The following LHFPL3 variants were observed in gnomAD, a reference collection of about 807,000 sequenced individuals.
LHFPL3 encodes the protein LHFPL tetraspan subfamily member 3 protein.
In LHFPL3, 5 loss-of-function variants were observed where a neutral mutation model predicts 19.3. The observed-to-expected ratio is 0.26, with a 90% CI of 0.14 to 0.54. The LOEUF (loss-of-function observed/expected upper bound fraction) is 0.54, where lower values mean the gene tolerates loss of function less well. Among genes scored for constraint, LHFPL3 ranks in the 20% least tolerant of loss-of-function variants. The pLI is 0.94. For missense variants in LHFPL3, 249 were observed against 307.4 expected, an observed-to-expected ratio of 0.81 and a Z score of 1.42; for synonymous variants, 133 against 126.2, an observed-to-expected ratio of 1.05 and a Z score of -0.36.
At chr7:104,828,962 G>A (rs1790878440) in intron 2 of LHFPL3, among the ~76,000 whole-genome samples, 1 of 151,864 alleles carries the variant, frequency 6.6e-6, no homozygotes, top group Non-Finnish European at 1.5e-5. Context: ...TTGGGCCCAG[G>A]AGGCAAAGGC....
intron 1 of LHFPL3, among the ~76,000 whole-genome samples, chr7:104,490,657 A>G (rs1019469308): frequency 2.6e-5 from 4 of 152,222 alleles, no homozygotes; most frequent in Non-Finnish European, 5.9e-5. Context: ...AGCGACGGAT[A>G]TCAACTAAAC....
chr7:104,507,033 G>A (rs117279075), intron 1 of LHFPL3, among the ~76,000 whole-genome samples: 2 of 152,272 alleles, frequency 1.3e-5, no homozygotes, highest in Non-Finnish European at 2.9e-5. Context: ...GAGAGAACTG[G>A]TGTCTCTATT....
At chr7:104,473,847 T>C (rs1792955436) in intron 1 of LHFPL3, among the ~76,000 whole-genome samples, 1 of 152,258 alleles carries the variant, frequency 6.6e-6, no homozygotes, top group South Asian at 2.1e-4. Context: ...TATCCCTTGA[T>C]ATTCCCTCTT....
chr7:104,714,894 A>G (rs1793358915), intron 1 of LHFPL3, among the ~76,000 whole-genome samples: 1 of 152,198 alleles, frequency 6.6e-6, no homozygotes, highest in Non-Finnish European at 1.5e-5. Context: ...GTGCGCATGC[A>G]CACATGTGTA....
In LHFPL3 at chr7:104,575,607, A is replaced by G. The variant is rs537135873; in HGVS notation, c.446-161068A>G. Among the ~76,000 whole-genome samples the G allele has an allele frequency of 6.0e-4, 89 of 147,314 alleles. No homozygotes were observed. The South Asian group carries it at 0.013, about 22-fold the overall frequency. On this transcript the variant is annotated intron_variant, in intron 1 of 2. Transcript: ENST00000424859. ...AAAAACAGAAACAAGCAACCTGCCC[A>G]GAGAGTCCCAATGGTGGGCTTCTTT...
intron 1 of LHFPL3, among the ~76,000 whole-genome samples, chr7:104,551,175 A>T (rs573214785): frequency 6.6e-6 from 1 of 152,298 alleles, no homozygotes; most frequent in South Asian, 2.1e-4. Flanking sequence ...AAAAACAACT[A>T]TTAAGTTGAT....
chr7:104,430,746 G>A lies in LHFPL3; in HGVS notation c.445+101522G>A, dbSNP rs1046010038. On this transcript the variant is annotated intron_variant, in intron 1 of 2. Transcript: ENST00000424859. ...GCCTCCCAAAGTGCTGAGATTACAG[G>A]CATGAGCCACTGCGCCCGGCCCTTC... Among the ~76,000 whole-genome samples the A allele has an allele frequency of 2.0e-5, 3 of 151,638 alleles. No homozygotes were observed. The South Asian group carries it at 6.2e-4, about 32-fold the overall frequency.
chr7:104,808,011 T>C (rs1330621048), intron 2 of LHFPL3, among the ~76,000 whole-genome samples: 2 of 152,216 alleles, frequency 1.3e-5, no homozygotes, highest in Non-Finnish European at 2.9e-5. Context: ...GCCAGGACTA[T>C]ACTCCATCTC....
chr7:104,486,334 T>A (rs1311891944), intron 1 of LHFPL3, among the ~76,000 whole-genome samples: 2 of 152,356 alleles, frequency 1.3e-5, no homozygotes, highest in South Asian at 2.1e-4. Flanking sequence ...TGATTACGAC[T>A]GTGCTATAGT....
intron 1 of LHFPL3, among the ~76,000 whole-genome samples, chr7:104,582,552 A>G (rs1790479685): frequency 1.3e-5 from 2 of 152,030 alleles, no homozygotes; most frequent in South Asian, 4.1e-4. Context: ...AATTATAGGG[A>G]GAAAGTATCA....
intron 1 of LHFPL3, among the ~76,000 whole-genome samples, chr7:104,590,754 CT>C (rs933335599): frequency 7.9e-5 from 12 of 152,160 alleles, no homozygotes; most frequent in Non-Finnish European, 1.6e-4. Context: ...GTCTAAGTCT[CT>C]TTGTAGGTCT....
intron 2 of LHFPL3, among the ~76,000 whole-genome samples, chr7:104,864,542 A>C (rs1791684206): frequency 6.6e-6 from 1 of 152,192 alleles, no homozygotes; most frequent in African/African-American, 2.4e-5. Flanking sequence ...CTGAGATCAA[A>C]TTGCAAGGCA....
chr7:104,640,929 G>T (rs1336591240), intron 1 of LHFPL3, among the ~76,000 whole-genome samples: 4 of 152,160 alleles, frequency 2.6e-5, no homozygotes, highest in Non-Finnish European at 4.4e-5. Flanking sequence ...GAACAAAAAA[G>T]TTACGTTTGA....
intron 1 of LHFPL3, among the ~76,000 whole-genome samples, chr7:104,353,200 G>T (rs1459769851): frequency 6.6e-6 from 1 of 152,192 alleles, no homozygotes; most frequent in Non-Finnish European, 1.5e-5. Flanking sequence ...TCATGAACCA[G>T]ACAATGGAGA....
intron 1 of LHFPL3, among the ~76,000 whole-genome samples, chr7:104,644,011 T>C (rs1274223866): frequency 1.3e-5 from 2 of 152,220 alleles, no homozygotes; most frequent in East Asian, 1.9e-4. Context: ...ACTAGTTCTT[T>C]GCTAAGTGTT....
At chr7:104,378,346 C>T (rs1420737375) in intron 1 of LHFPL3, among the ~76,000 whole-genome samples, 3 of 152,166 alleles carry the variant, frequency 2.0e-5, no homozygotes, top group Non-Finnish European at 4.4e-5. Context: ...TGGCAGAGCA[C>T]GCTTTTCAGA....
chr7:104,359,391 G>A (rs551653299), intron 1 of LHFPL3, among the ~76,000 whole-genome samples: 2 of 152,288 alleles, frequency 1.3e-5, no homozygotes, highest in South Asian at 2.1e-4. Flanking sequence ...TACTATCATA[G>A]ATGCGATTGT....
At chr7:104,862,932 G>A (rs1021080291) in intron 2 of LHFPL3, among the ~76,000 whole-genome samples, 4 of 152,202 alleles carry the variant, frequency 2.6e-5, no homozygotes, top group South Asian at 2.1e-4. Context: ...ACAGTAACAC[G>A]ACAGTATGTG....
chr7:104,660,293 G>A (rs113131542), intron 1 of LHFPL3, among the ~76,000 whole-genome samples: 16,796 of 152,184 alleles, frequency 0.11, 1,121 homozygotes, highest in Non-Finnish European at 0.15. Flanking sequence ...GAGCCACCAC[G>A]CCCAGTCAAC....
Sources: gnomAD v4.1 joint callset for allele counts (sites outside exome capture counted in the v4.1 genomes callset) on GRCh38, gnomAD v4.1.1 for gene constraint, MANE v1.5 for transcripts, NCBI Gene and HGNC (gene_info 2026-07-23, HGNC 2026-07-21) for gene names.